The following TSTD2 variants were observed in gnomAD, a reference collection of about 807,000 sequenced individuals.
TSTD2 encodes thiosulfate sulfurtransferase/rhodanese-like domain-containing protein 2.
A neutral mutation model predicts 47.9 loss-of-function variants in TSTD2; 37 were observed. That is an observed-to-expected ratio of 0.77 (90% confidence interval 0.59 to 1.02). The LOEUF (loss-of-function observed/expected upper bound fraction) is 1.02, where lower values mean the gene tolerates loss of function less well. Ranked by LOEUF, TSTD2 falls within the 50% of genes least tolerant of loss-of-function variation. The pLI is 0.00. For synonymous variants in TSTD2, 201 were observed against 215.9 expected, an observed-to-expected ratio of 0.93 and a Z score of 0.61; for missense variants, 586 against 616.0, an observed-to-expected ratio of 0.95 and a Z score of 0.52.
chr9:97,604,952 G>T, intron 8 of TSTD2, 87 bp from the exon 9 acceptor site: 1 of 1,553,230 alleles, frequency 6.4e-7, no homozygotes, highest in Admixed American at 1.9e-5. Flanking sequence ...GGCGAGGAGT[G>T]CTGACGTAGA....
chr9:97,602,237 C>T lies in TSTD2; in HGVS notation c.*232G>A. 1 of 525,646 alleles carries T rather than the reference C, an allele frequency of 1.9e-6. No individual in the cohort carries two copies. The allele number at this position is 525,646 out of a possible 1,614,324, so 32.6% of individuals were successfully genotyped here. Reference sequence around the variant, plus strand: ...CCCTCAGCAGCTTTGGGATCCCATGCAGCTCACCTATTTTCTGTGCTCTAG... The same window carrying T: ...CCCTCAGCAGCTTTGGGATCCCATGTAGCTCACCTATTTTCTGTGCTCTAG... On this transcript the variant is annotated 3_prime_UTR_variant, in exon 10 of 10. Transcript: ENST00000341170.
intron 1 of TSTD2, 41 bp from the exon 2 acceptor site, chr9:97,627,653 G>C (rs1183998266): frequency 7.7e-7 from 1 of 1,291,752 alleles, no homozygotes; most frequent in Non-Finnish European, 1.1e-6. Flanking sequence ...GCTATTCTTT[G>C]ATTTCTTGAA....
intron 3 of TSTD2, among the ~76,000 whole-genome samples, chr9:97,623,543 A>G (rs1053381363): frequency 1.3e-5 from 2 of 152,220 alleles, no homozygotes; most frequent in Non-Finnish European, 2.9e-5. Flanking sequence ...TCCCTAAAGA[A>G]TATGTAGAAT....
intron 1 of TSTD2, among the ~76,000 whole-genome samples, chr9:97,631,959 A>G (rs1826827240): frequency 6.6e-6 from 1 of 152,172 alleles, no homozygotes; most frequent in African/African-American, 2.4e-5. Context: ...CCCGTTGCTC[A>G]CTACCTATGA....
intron 8 of TSTD2, 71 bp downstream of exon 8, chr9:97,605,412 C>T (rs1000567725): frequency 2.0e-5 from 32 of 1,589,188 alleles, no homozygotes; most frequent in Non-Finnish European, 2.5e-5. Context: ...CAGCGGACAG[C>T]TCCACGTAAG....
chr9:97,608,279 T>C (rs186461063), intron 6 of TSTD2, among the ~76,000 whole-genome samples: 8 of 152,212 alleles, frequency 5.3e-5, no homozygotes, highest in Admixed American at 5.2e-4. Context: ...CTGCTATGAT[T>C]GCAGTTGTTC....
At chr9:97,618,170 G>A (rs1355881422) in intron 3 of TSTD2, among the ~76,000 whole-genome samples, 1 of 152,200 alleles carries the variant, frequency 6.6e-6, no homozygotes, top group Non-Finnish European at 1.5e-5. Flanking sequence ...TCATAGAAAA[G>A]TTAGAAATTT....
At chr9:97,619,082 G>A (rs2131313399) in intron 3 of TSTD2, among the ~76,000 whole-genome samples, 1 of 152,314 alleles carries the variant, frequency 6.6e-6, no homozygotes, top group South Asian at 2.1e-4. Flanking sequence ...GTTCACAACT[G>A]CTTATACTAT....
chr9:97,612,682 A>G (rs1189358022), intron 4 of TSTD2, among the ~76,000 whole-genome samples: 1 of 152,184 alleles, frequency 6.6e-6, no homozygotes, highest in African/African-American at 2.4e-5. Flanking sequence ...CAGCCTCCTG[A>G]GTAGCTGGGA....
In TSTD2 at chr9:97,600,567, C is replaced by CT. The variant is rs1433734220; in HGVS notation, c.*1901dup. 6 of 986,234 alleles carry CT rather than the reference C, an allele frequency of 6.1e-6. No individual in the cohort carries two copies. Among genetic ancestry groups the CT allele is most frequent in the Non-Finnish European group, 7.2e-6 (6 of 830,658 alleles). 61.1% of individuals were successfully genotyped at this position (986,234 alleles called of 1,614,324 possible). On this transcript the variant is annotated 3_prime_UTR_variant, in exon 10 of 10. Transcript: ENST00000341170. ...CAAATGGCTTATGTGAGGTAAGACA[C>CT]TAGAGGGATAAATTTCCAGATCAAC... is the stretch of plus-strand genomic sequence containing the variant.
chr9:97,615,645 C>G (rs1023118912), intron 4 of TSTD2, among the ~76,000 whole-genome samples: 5 of 152,174 alleles, frequency 3.3e-5, no homozygotes, highest in African/African-American at 1.2e-4. Flanking sequence ...TCCTTGACAC[C>G]TAGGAATTTA....
chr9:97,602,930 C>G (rs1330526465), intron 9 of TSTD2, 163 bp from the exon 10 acceptor site: 2 of 594,072 alleles, frequency 3.4e-6, no homozygotes, highest in Non-Finnish European at 2.8e-6. Context: ...CTAACCACCA[C>G]CCCCACCACC....
chr9:97,601,475 G>C lies in TSTD2; in HGVS notation c.*994C>G. The C allele has an allele frequency of 1.0e-6, 1 of 997,600 alleles. No individual in the cohort carries two copies. Among genetic ancestry groups the C allele is most frequent in the Non-Finnish European group, 1.2e-6 (1 of 837,106 alleles). The allele number at this position is 997,600 out of a possible 1,614,324, so 61.8% of individuals were successfully genotyped here. On this transcript the variant is annotated 3_prime_UTR_variant, in exon 10 of 10. Coordinates refer to ENST00000341170, the MANE Select transcript of TSTD2 (RefSeq NM_139246.5). ...GCTCAGAGAGTAAGTGCTGGGGAAA[G>C]CAGAGCTATCAGAGGAAATCTCTCA...
At chr9:97,611,846 A>G (rs147663960) in intron 4 of TSTD2, 147 bp from the exon 5 acceptor site, 3 of 784,126 alleles carry the variant, frequency 3.8e-6, no homozygotes, top group Non-Finnish European at 4.0e-6. Context: ...CTGGACAAAG[A>G]TATCTGTGTT....
At chr9:97,604,057 A>G (rs1826321229) in intron 9 of TSTD2, 1 of 152,242 alleles carries the variant, frequency 6.6e-6, no homozygotes, top group Admixed American at 6.5e-5. Flanking sequence ...ACAGAAATAC[A>G]AAATATCAAA....
intron 1 of TSTD2, among the ~76,000 whole-genome samples, chr9:97,630,944 G>C (rs1280600167): frequency 6.6e-6 from 1 of 152,130 alleles, no homozygotes; most frequent in African/African-American, 2.4e-5. Context: ...ATTTTACACT[G>C]TGTGTGAAGC....
Position 97,610,425 on chromosome 9 carries a change from A to T in TSTD2, c.756T>A (p.Phe252Leu). 6.3e-7 allele frequency: 1 copy of T among 1,585,010 alleles called. No individual in the cohort carries two copies. Among genetic ancestry groups the T allele is most frequent in the Non-Finnish European group, 8.6e-7 (1 of 1,167,770 alleles). ...CAAATACACCAACACGCAATTCTGG[A>T]AAACAGTGAGCTCCTCCTTTGCTGG... ...FKTSKGGAHC[F>L]PELRVGVFEE... The change falls in exon 6 of 10, where the codon TTT becomes TTA. Residue 252 changes from phenylalanine (F) to leucine (L), a missense_variant. Transcript: ENST00000341170.
At position 97,601,734 on chromosome 9, in the gene TSTD2, G is replaced by A; in HGVS notation, c.*735C>T. ...TGGCTGTTCAATAAACTATACAGTTGACCCTTGAACAATATGGGTTTGAAC... is the reference window on the plus strand; with the variant it reads ...TGGCTGTTCAATAAACTATACAGTTAACCCTTGAACAATATGGGTTTGAAC... On this transcript the variant is annotated 3_prime_UTR_variant, in exon 10 of 10. Coordinates refer to ENST00000341170, the MANE Select transcript of TSTD2 (RefSeq NM_139246.5). 1 of 260,010 alleles carries A rather than the reference G, an allele frequency of 3.8e-6. No individual in the cohort carries two copies. The highest frequency in any genetic ancestry group is 6.0e-6 in the Non-Finnish European group (1 of 166,624). 16.1% of individuals were successfully genotyped at this position (260,010 alleles called of 1,614,324 possible).
In TSTD2 at chr9:97,627,549, G is replaced by A; in HGVS notation, c.14C>T (p.Thr5Ile). Residue 5 changes from threonine to isoleucine, a missense_variant, in exon 2 of 10, where the codon ACT (threonine) becomes ATT (isoleucine). Physicochemically the swap from Thr to Ile is moderately conservative, Grantham distance 89. Coordinates refer to ENST00000341170, the MANE Select transcript of TSTD2 (RefSeq NM_139246.5). MPSS[T>I]SPDQGDDLEN... ...CAGGTCATCTCCTTGGTCTGGTGAA[G>A]TGGAAGAAGGCATCTGGTTTGGTTG... 1.2e-6 allele frequency: 2 copies of A among 1,607,194 alleles called. No homozygotes were observed. The highest frequency in any genetic ancestry group is 1.7e-6 in the Non-Finnish European group (2 of 1,175,528).
Sources: allele counts gnomAD v4.1 joint callset (sites outside exome capture counted in the v4.1 genomes callset), GRCh38; gene constraint gnomAD v4.1.1; transcripts MANE v1.5; gene names NCBI Gene and HGNC (gene_info 2026-07-23, HGNC 2026-07-21).